The following ANKRD30A variants were observed in gnomAD, a reference collection of about 807,000 sequenced individuals.
The protein encoded by ANKRD30A is ankyrin repeat domain-containing protein 30A.
ANKRD30A carries 170 observed loss-of-function variants against 166.3 expected under a neutral mutation model. The ratio of observed to expected loss-of-function variants is 1.02; its 90% CI spans 0.90 to 1.16. ANKRD30A has a LOEUF of 1.16. ANKRD30A is among the 50% of genes most tolerant of loss of function. ANKRD30A has a pLI of 0.00. For missense variants in ANKRD30A, 1,630 were observed against 1,518.0 expected, an observed-to-expected ratio of 1.07 and a Z score of -1.23; for synonymous variants, 564 against 508.9, an observed-to-expected ratio of 1.11 and a Z score of -1.46.
At chr10:37,216,087 T>C in intron 31 of ANKRD30A, 94 bp from the exon 32 acceptor site, 4 of 830,286 alleles carry the variant, frequency 4.8e-6, no homozygotes, top group Non-Finnish European at 7.4e-6. Flanking sequence ...AATCAATATA[T>C]ATTTGTTCAG....
At chr10:37,225,394 G>A (rs1843100725) in intron 34 of ANKRD30A, among the ~76,000 whole-genome samples, 1 of 151,624 alleles carries the variant, frequency 6.6e-6, no homozygotes, top group Admixed American at 6.6e-5. Flanking sequence ...GTACATTCCT[G>A]CAGATATAAG....
In ANKRD30A at chr10:37,162,653, T is replaced by A; in HGVS notation, c.1905T>A (p.Pro635=). 3.1e-6 allele frequency: 5 copies of A among 1,612,252 alleles called. No individual in the cohort carries two copies. Among genetic ancestry groups the A allele is most frequent in the Non-Finnish European group, 4.2e-6 (5 of 1,179,758 alleles). ...TAAATCTCTTTTGCTTTTTAGAGCCTCCGGGGAAGCCATCTGCCTTCGAGG... is the reference window on the plus strand; with the variant it reads ...TAAATCTCTTTTGCTTTTTAGAGCCACCGGGGAAGCCATCTGCCTTCGAGG... ...LKDMQTFKAE[P]PGKPSAFEPA... The change falls in exon 16 of 36, where the codon CCT becomes CCA. Residue 635 remains proline (P), a synonymous_variant. Transcript: ENST00000361713.
At chr10:37,210,031 G>T (rs2132716873) in intron 31 of ANKRD30A, among the ~76,000 whole-genome samples, 1 of 152,086 alleles carries the variant, frequency 6.6e-6, no homozygotes, top group South Asian at 2.1e-4. Flanking sequence ...TGTTACATAG[G>T]TATACACATT....
intron 12 of ANKRD30A, among the ~76,000 whole-genome samples, chr10:37,152,501 G>A (rs1384671824): frequency 2.6e-5 from 4 of 152,076 alleles, no homozygotes; most frequent in Non-Finnish European, 5.9e-5. Context: ...TGGATGCATA[G>A]AGAGACATTT....
chr10:37,198,855 A>T (rs1371967376), intron 29 of ANKRD30A, among the ~76,000 whole-genome samples: 1 of 152,064 alleles, frequency 6.6e-6, no homozygotes, highest in Non-Finnish European at 1.5e-5. Flanking sequence ...TTTTTTCTTT[A>T]ACCTGATTCA....
At chr10:37,252,020 G>A in the ANKRD30A span, among the ~76,000 whole-genome samples, 6 of 152,224 alleles carry the variant, frequency 3.9e-5, 1 homozygote, top group Middle Eastern at 0.014. Context: ...AAGATACCTG[G>A]TGTCAGGCCA....
chr10:37,158,191 C>T (rs537979849), intron 13 of ANKRD30A, among the ~76,000 whole-genome samples: 107 of 151,908 alleles, frequency 7.0e-4, no homozygotes, highest in Non-Finnish European at 1.3e-3. Flanking sequence ...TTGATGAAAT[C>T]TAGTTTTCAA....
chr10:37,165,824 G>C (rs983926731), intron 18 of ANKRD30A, among the ~76,000 whole-genome samples: 4 of 152,084 alleles, frequency 2.6e-5, no homozygotes, highest in Admixed American at 6.6e-5. Flanking sequence ...TGTATTTTAA[G>C]GTCACAACGG....
rs1346782498 is a variant in ANKRD30A at position 37,201,276 on chromosome 10, CAAGGCT to C, written c.2822_2827del (p.Lys941_Ala942del). 35 of 1,592,978 alleles carry C rather than the reference CAAGGCT, an allele frequency of 2.2e-5. No homozygotes were observed. Among genetic ancestry groups the C allele is most frequent in the Non-Finnish European group, 3.0e-5 (35 of 1,171,288 alleles). On this transcript the variant is annotated inframe_deletion, in exon 31 of 36. Coordinates refer to ENST00000361713, the MANE Select transcript of ANKRD30A (RefSeq NM_052997.3). ...TTTCACAGAAGGATGTGTGTGTACC[CAAGGCT>C]ACACATCAAAAAGAAATGGATAAAA... is the stretch of plus-strand genomic sequence containing the variant.
the ANKRD30A span, among the ~76,000 whole-genome samples, chr10:37,259,236 C>G: frequency 1.3e-5 from 2 of 152,222 alleles, no homozygotes; most frequent in Non-Finnish European, 2.9e-5. Context: ...TCCTACAAAT[C>G]AGTTACAGAA....
intron 11 of ANKRD30A, among the ~76,000 whole-genome samples, chr10:37,151,264 A>G (rs1178688830): frequency 6.6e-6 from 1 of 151,986 alleles, no homozygotes. Context: ...GTATAAATTC[A>G]TTTTCTGTCT....
intron 6 of ANKRD30A, among the ~76,000 whole-genome samples, 160 bp downstream of exon 6, chr10:37,136,831 G>GTGTGTA (rs67891035): frequency 0.023 from 3,196 of 141,926 alleles, 104 homozygotes; most frequent in African/African-American, 0.073. Context: ...GTGTGTGTGT[G>GTGTGTA]TATATATATA....
At chr10:37,193,458 C>G (rs912584150) in intron 27 of ANKRD30A, among the ~76,000 whole-genome samples, 200 bp downstream of exon 27, 2 of 151,984 alleles carry the variant, frequency 1.3e-5, no homozygotes, top group African/African-American at 4.8e-5. Context: ...AAAAAAAATT[C>G]TGCTTTACCT....
intron 31 of ANKRD30A, among the ~76,000 whole-genome samples, chr10:37,210,770 A>G (rs1842260042): frequency 6.6e-6 from 1 of 152,032 alleles, no homozygotes; most frequent in African/African-American, 2.4e-5. Flanking sequence ...GTGATCTTTG[A>G]AGAAGTATCT....
rs747648237 is a variant in ANKRD30A at position 37,219,717 on chromosome 10, G to A, written c.4005G>A (p.Gln1335=). 24 of 1,608,890 alleles carry A rather than the reference G, an allele frequency of 1.5e-5. No homozygotes were observed. In the South Asian group the frequency reaches 1.9e-4, roughly 13 times the overall value. Residue 1335 remains glutamine, a synonymous_variant, in exon 34 of 36, where the codon CAG becomes CAA. Transcript: ENST00000361713. ...AAAGCAAAAATATGTGGCTTCAACA[G>A]CAATTAGTTCATGCACATAAGAAAG... ...QLQSKNMWLQ[Q]QLVHAHKKAD...
intron 13 of ANKRD30A, among the ~76,000 whole-genome samples, chr10:37,157,015 A>T (rs986212322): frequency 1.3e-5 from 2 of 152,178 alleles, no homozygotes; most frequent in African/African-American, 4.8e-5. Flanking sequence ...GAAACAACAT[A>T]TATAGTTGAT....
At chr10:37,221,571 A>G (rs1272751376) in intron 34 of ANKRD30A, among the ~76,000 whole-genome samples, 2 of 151,336 alleles carry the variant, frequency 1.3e-5, no homozygotes, top group African/African-American at 2.4e-5. Context: ...GACTTCTTTT[A>G]TATGTCATTA....
chr10:37,193,093 G>T lies in ANKRD30A; in HGVS notation c.2541+1G>T. 1 of 1,605,764 alleles carries T rather than the reference G, an allele frequency of 6.2e-7. No homozygotes were observed. Among genetic ancestry groups the T allele is most frequent in the Non-Finnish European group, 8.5e-7 (1 of 1,173,450 alleles). On this transcript the variant is annotated splice_donor_variant, in intron 26 of 35. Coordinates refer to ENST00000361713, the MANE Select transcript of ANKRD30A (RefSeq NM_052997.3). LOFTEE classifies it high-confidence loss of function. ...TCCTGATAATGATGGTTTTCTGAAG[G>T]TAATAACTTTTATATTTTTATCTTG...
chr10:37,154,649 A>G (rs1162162322), intron 13 of ANKRD30A, among the ~76,000 whole-genome samples: 1 of 152,236 alleles, frequency 6.6e-6, no homozygotes, highest in African/African-American at 2.4e-5. Flanking sequence ...GGAAGAACCA[A>G]GAGCACAAGT....
Sources: gnomAD v4.1 joint callset for allele counts (sites outside exome capture counted in the v4.1 genomes callset) on GRCh38, gnomAD v4.1.1 for gene constraint, MANE v1.5 for transcripts, NCBI Gene and HGNC (gene_info 2026-07-23, HGNC 2026-07-21) for gene names.